The following RGS7 variants were observed in gnomAD, a reference collection of about 807,000 sequenced individuals.
RGS7 encodes regulator of G protein signaling 7.
In RGS7, 27 loss-of-function variants were observed where a neutral mutation model predicts 81.1. The observed-to-expected ratio is 0.33, with a 90% confidence interval of 0.25 to 0.46. The LOEUF is 0.46. Ranked by LOEUF, RGS7 falls within the 20% of genes least tolerant of loss-of-function variation. The probability of loss-of-function intolerance (pLI) is 1.00; values close to 1 mark genes in which losing one functional copy is unlikely to be tolerated. For synonymous variants in RGS7, 208 were observed against 207.7 expected (o/e 1.00, Z -0.01); for missense variants, 396 against 607.4 (o/e 0.65, Z 3.66).
chr1:241,115,325 T>G (rs1381515277), intron 2 of RGS7, among the ~76,000 whole-genome samples: 5 of 152,178 alleles, frequency 3.3e-5, no homozygotes, highest in African/African-American at 1.2e-4. Flanking sequence ...GTTGTTGGTT[T>G]AAATTTTTAT....
intron 18 of RGS7, among the ~76,000 whole-genome samples, chr1:240,777,167 C>T (rs1683091186): frequency 6.6e-6 from 1 of 152,028 alleles, no homozygotes; most frequent in Non-Finnish European, 1.5e-5. Context: ...TGGTGGCGGG[C>T]ACCTGTAATC....
intron 3 of RGS7, among the ~76,000 whole-genome samples, chr1:240,995,919 T>G (rs1018016530): frequency 5.9e-5 from 9 of 152,088 alleles, no homozygotes; most frequent in African/African-American, 2.2e-4. Context: ...ATTTGGAAAT[T>G]TTCATCTTTT....
intron 2 of RGS7, among the ~76,000 whole-genome samples, chr1:241,193,462 T>C (rs2072837262): frequency 6.6e-6 from 1 of 152,246 alleles, no homozygotes; most frequent in Non-Finnish European, 1.5e-5. Context: ...GCTAATGTGA[T>C]TTCCAACTAC....
chr1:241,119,646 C>T (rs2066112092), intron 2 of RGS7, among the ~76,000 whole-genome samples: 1 of 152,154 alleles, frequency 6.6e-6, no homozygotes, highest in African/African-American at 2.4e-5. Context: ...ATTCATCATA[C>T]AATATCCAAA....
intron 18 of RGS7, among the ~76,000 whole-genome samples, chr1:240,793,150 C>A (rs529458645): frequency 6.6e-6 from 1 of 152,254 alleles, no homozygotes; most frequent in Non-Finnish European, 1.5e-5. Context: ...AGCCCCACAG[C>A]ATTCCTTAGG....
intron 3 of RGS7, among the ~76,000 whole-genome samples, chr1:241,018,918 T>A (rs1348006473): frequency 1.3e-5 from 2 of 152,112 alleles, no homozygotes; most frequent in Non-Finnish European, 2.9e-5. Context: ...GGGATAAGGT[T>A]TCAAAATTGC....
At chr1:241,174,721 G>A (rs1236766368) in intron 2 of RGS7, among the ~76,000 whole-genome samples, 1 of 151,974 alleles carries the variant, frequency 6.6e-6, no homozygotes, top group Non-Finnish European at 1.5e-5. Flanking sequence ...TACGTATCTG[G>A]GGACAACTGC....
In RGS7 at chr1:240,900,731, C is replaced by T. The variant is rs544815215; in HGVS notation, c.385+29986G>A. Among the ~76,000 whole-genome samples the T allele has an allele frequency of 1.7e-4, 26 of 152,318 alleles. No individual in the cohort carries two copies. The South Asian group carries it at 4.3e-3, about 25-fold the overall frequency. ...TGGGATGTGCCTCCCAGTTAGGCTA[C>T]TCGGGGGTCAGGGACCCACTTGAGG... On this transcript the variant is annotated intron_variant, in intron 6 of 18. Transcript: ENST00000440928.
intron 2 of RGS7, among the ~76,000 whole-genome samples, chr1:241,211,039 C>G (rs1256376562): frequency 3.9e-5 from 6 of 152,080 alleles, no homozygotes; most frequent in African/African-American, 1.4e-4. Flanking sequence ...AATCCCAGCA[C>G]TTTGGGAGGA....
At chr1:241,242,141 C>T (rs2076288691) in intron 2 of RGS7, among the ~76,000 whole-genome samples, 1 of 151,888 alleles carries the variant, frequency 6.6e-6, no homozygotes, top group Admixed American at 6.6e-5. Flanking sequence ...TCCACTGTAT[C>T]ATTCTTAGGC....
At chr1:241,179,052 C>T (rs1001786637) in intron 2 of RGS7, among the ~76,000 whole-genome samples, 5 of 143,000 alleles carry the variant, frequency 3.5e-5, no homozygotes, top group Non-Finnish European at 6.3e-5. Context: ...ATGGTGGGCA[C>T]GTGCCTGATA....
rs370562497 is a variant in RGS7, at chr1:241,030,361, C to CATATATATATATATATAT, written c.176-47233_176-47232insATATATATATATATATAT. Among the ~76,000 whole-genome samples the CATATATATATATATATAT allele has an allele frequency of 1.7e-3, 173 of 102,180 alleles. 10 individuals are homozygous for CATATATATATATATATAT. Among genetic ancestry groups the CATATATATATATATATAT allele is most frequent in the African/African-American group, 2.5e-3 (64 of 25,234 alleles). The allele number at this position is 102,180 out of a possible 152,430, so 67.0% of individuals were successfully genotyped here. ...GCTTTGTTTTTTCCAGAACTTATAG[C>CATATATATATATATATAT]ATATATATATATACATACACACATA... On this transcript the variant is annotated intron_variant, in intron 3 of 18. Coordinates refer to ENST00000440928, the MANE Select transcript of RGS7 (RefSeq NM_001364886.1).
At chr1:241,148,774 C>A (rs1053202429) in intron 2 of RGS7, among the ~76,000 whole-genome samples, 1 of 152,214 alleles carries the variant, frequency 6.6e-6, no homozygotes, top group Admixed American at 6.5e-5. Context: ...ACAGAATATA[C>A]TATTTGTCAT....
chr1:240,849,386 G>A (rs896118490), intron 9 of RGS7, among the ~76,000 whole-genome samples: 1 of 152,134 alleles, frequency 6.6e-6, no homozygotes, highest in Admixed American at 6.5e-5. Flanking sequence ...TTCATTCCTG[G>A]CTCCTCTCAA....
At chr1:240,812,901 T>C (rs546589922) in intron 13 of RGS7, among the ~76,000 whole-genome samples, 2 of 152,320 alleles carry the variant, frequency 1.3e-5, no homozygotes, top group Admixed American at 6.5e-5. Flanking sequence ...AGCTTTCTCA[T>C]CTATAAAATC....
chr1:241,237,063 G>C (rs1305396502), intron 2 of RGS7, among the ~76,000 whole-genome samples: 1 of 152,146 alleles, frequency 6.6e-6, no homozygotes, highest in Non-Finnish European at 1.5e-5. Flanking sequence ...CAAATGCTGA[G>C]TCAAAGGTGA....
chr1:240,799,749 C>A (rs1373087330), intron 18 of RGS7, among the ~76,000 whole-genome samples: 2 of 152,130 alleles, frequency 1.3e-5, no homozygotes, highest in Non-Finnish European at 2.9e-5. Context: ...TTGGACATGG[C>A]TGCAAGTCTA....
chr1:241,340,493 G>A (rs2082479663), intron 2 of RGS7, among the ~76,000 whole-genome samples: 1 of 152,102 alleles, frequency 6.6e-6, no homozygotes, highest in African/African-American at 2.4e-5. Context: ...GATTCTTCAG[G>A]AGATATGGGT....
intron 3 of RGS7, among the ~76,000 whole-genome samples, chr1:240,994,736 A>G (rs1197994956): frequency 6.6e-6 from 1 of 152,042 alleles, no homozygotes. Flanking sequence ...TCTCAATTTT[A>G]GAGGAAAACA....
Sources: allele counts gnomAD v4.1 joint callset (sites outside exome capture counted in the v4.1 genomes callset), GRCh38; gene constraint gnomAD v4.1.1; transcripts MANE v1.5; gene names NCBI Gene and HGNC (gene_info 2026-07-23, HGNC 2026-07-21).